The following RIF1 variants were observed in gnomAD, a reference collection of about 807,000 sequenced individuals.
RIF1 encodes telomere-associated protein RIF1.
A neutral mutation model predicts 247.1 loss-of-function variants in RIF1; 45 were observed. That is an observed-to-expected ratio of 0.18 (90% CI 0.14 to 0.23). The LOEUF (loss-of-function observed/expected upper bound fraction) is 0.23, where lower values mean the gene tolerates loss of function less well. Among genes scored for constraint, RIF1 ranks in the 10% least tolerant of loss-of-function variants. The probability of loss-of-function intolerance (pLI) is 1.00; values close to 1 mark genes in which losing one functional copy is unlikely to be tolerated. For synonymous variants in RIF1, 1,087 were observed against 978.8 expected, an observed-to-expected ratio of 1.11 and a Z score of -2.06; for missense variants, 2,967 against 2,862.5, an observed-to-expected ratio of 1.04 and a Z score of -0.83.
At position 151,437,298 on chromosome 2, in the gene RIF1, C is replaced by A. The variant is rs780539569; in HGVS notation, c.1430C>A (p.Thr477Lys). Residue 477 changes from threonine (T) to lysine (K), a missense_variant, in exon 13 of 36, where the codon ACA becomes AAA. Thr to Lys is a moderately conservative substitution (Grantham distance 78). Coordinates refer to ENST00000444746, the MANE Select transcript of RIF1 (RefSeq NM_018151.5). ...TCCTTTTTTTCCAAACATGCAAATA[C>A]ACTTATCACTGCTGTTCATGATAGC... ...SPSFFSKHANTLITAVHDSFV... is the reference protein window; with the variant it reads ...SPSFFSKHANKLITAVHDSFV... The A allele has an allele frequency of 1.9e-6, 3 of 1,613,934 alleles. No homozygotes were observed. Among genetic ancestry groups the A allele is most frequent in the Non-Finnish European group, 2.5e-6 (3 of 1,179,894 alleles).
At chr2:151,457,677 A>T in intron 23 of RIF1, 84 bp from the exon 24 acceptor site, 1 of 1,011,042 alleles carries the variant, frequency 9.9e-7, no homozygotes, top group Non-Finnish European at 1.5e-6. Context: ...AAATTGTCTT[A>T]ATTTTAAAAA....
chr2:151,416,477 GTA>G, intron 4 of RIF1, 82 bp from the exon 5 acceptor site: 1 of 1,196,682 alleles, frequency 8.4e-7, no homozygotes, highest in Non-Finnish European at 1.2e-6. Context: ...TGATTGATGA[GTA>G]TATTGTTTTC....
At chr2:151,490,466 G>A (rs757715342) in intron 9 of RIF1, 163 of 1,608,338 alleles carry the variant, frequency 1.0e-4, no homozygotes, top group Non-Finnish European at 1.2e-4. Flanking sequence ...CCCCACTGAT[G>A]CTTAGTGCAC....
At position 151,463,672 on chromosome 2, in the gene RIF1, C is replaced by G. The variant is rs1327475397; in HGVS notation, c.4152C>G (p.Ser1384=). The G allele has an allele frequency of 6.2e-7, 1 of 1,613,632 alleles. No homozygotes were observed. Among genetic ancestry groups the G allele is most frequent in the African/African-American group, 1.3e-5 (1 of 74,842 alleles). ...EEKNVEINLE[S]KENTPPVVIS... is the part of the protein sequence containing the mutation. ...AAAATGTAGAAATTAATTTGGAATC[C>G]AAAGAGAATACACCCCCAGTAGTAA... The change falls in exon 30 of 36, where the codon TCC becomes TCG. Residue 1384 remains serine (S), a synonymous_variant. Transcript: ENST00000444746.
intron 25 of RIF1, 77 bp from the exon 26 acceptor site, chr2:151,459,923 A>G (rs1413230231): frequency 9.5e-5 from 113 of 1,186,510 alleles, no homozygotes; most frequent in Non-Finnish European, 7.1e-6. Context: ...ATTTATTAGG[A>G]ATTTTCAAAA....
In RIF1 at chr2:151,463,468, A is replaced by G; in HGVS notation, c.3948A>G (p.Glu1316=). The change falls in exon 30 of 36, where the codon GAA becomes GAG. Residue 1316 remains glutamate, a synonymous_variant. Coordinates refer to ENST00000444746, the MANE Select transcript of RIF1 (RefSeq NM_018151.5). The part of the protein sequence containing the change: ...MRSEPEKNTE[E]SVEGIVVLEN... ...CTGAGCCGGAGAAAAATACTGAGGA[A>G]TCTGTTGAAGGCATTGTAGTCTTAG... The G allele has an allele frequency of 6.2e-7, 1 of 1,614,064 alleles. No homozygotes were observed. The highest frequency in any genetic ancestry group is 8.5e-7 in the Non-Finnish European group (1 of 1,179,952).
At chr2:151,447,078 G>T (rs1467055022) in intron 20 of RIF1, among the ~76,000 whole-genome samples, 1 of 151,710 alleles carries the variant, frequency 6.6e-6, no homozygotes, top group Non-Finnish European at 1.5e-5. Context: ...CGAGTAGCTG[G>T]GACCACAGGC....
chr2:151,431,220 T>C (rs2152301425), intron 9 of RIF1, among the ~76,000 whole-genome samples: 1 of 152,306 alleles, frequency 6.6e-6, no homozygotes, highest in Middle Eastern at 3.4e-3. Flanking sequence ...TTGATTTGTC[T>C]TAATTGCAGA....
chr2:151,433,432 C>T (rs1690536220), intron 10 of RIF1, among the ~76,000 whole-genome samples: 1 of 151,928 alleles, frequency 6.6e-6, no homozygotes, highest in African/African-American at 2.4e-5. Flanking sequence ...GCCCCTTTAC[C>T]TGAAATGTTT....
the RIF1 span, chr2:151,514,551 T>C: frequency 6.3e-6 from 5 of 788,294 alleles, no homozygotes; most frequent in Middle Eastern, 2.8e-4. Context: ...AGTAAAAATA[T>C]GAATACAGGC....
intron 20 of RIF1, among the ~76,000 whole-genome samples, chr2:151,450,990 C>A (rs555791618): frequency 6.6e-6 from 1 of 152,258 alleles, no homozygotes; most frequent in South Asian, 2.1e-4. Flanking sequence ...TATTTCCAAT[C>A]TCAGTTTATT....
chr2:151,471,444 C>T (rs545481659), intron 34 of RIF1, among the ~76,000 whole-genome samples: 1 of 152,306 alleles, frequency 6.6e-6, no homozygotes, highest in Admixed American at 6.5e-5. Context: ...AGTCCTTGCC[C>T]ATGCCTATGT....
chr2:151,443,303 C>A lies in RIF1; in HGVS notation c.1779C>A (p.Phe593Leu). Residue 593 changes from phenylalanine to leucine, a missense_variant, in exon 17 of 36, where the codon TTC becomes TTA. Phe to Leu is a conservative substitution (Grantham distance 22, BLOSUM62 0). This residue lies in a region of RIF1 where 369 missense variants were observed against 322.0 expected (regional missense o/e 1.15). Transcript: ENST00000444746. ...TAATTCAATTAATTTTCAACAATTTCTTGGAATGTGGTGTATCAGATGAAA... is the reference window on the plus strand; with the variant it reads ...TAATTCAATTAATTTTCAACAATTTATTGGAATGTGGTGTATCAGATGAAA... ...LFLIQLIFNN[F>L]LECGVSDERF... The A allele has an allele frequency of 6.2e-7, 1 of 1,602,310 alleles. No individual in the cohort carries two copies. Among genetic ancestry groups the A allele is most frequent in the Non-Finnish European group, 8.5e-7 (1 of 1,170,544 alleles).
intron 3 of RIF1, 45 bp downstream of exon 3, chr2:151,411,383 GTTT>G: frequency 9.5e-7 from 1 of 1,052,062 alleles, no homozygotes; most frequent in Admixed American, 2.5e-5. Context: ...TGGTAGTTTG[GTTT>G]TTTTTTTTGG....
At chr2:151,448,649 T>A (rs572784145) in intron 20 of RIF1, among the ~76,000 whole-genome samples, 1 of 152,228 alleles carries the variant, frequency 6.6e-6, no homozygotes, top group Admixed American at 6.5e-5. Context: ...CCAAAGGACT[T>A]ACCTAATCGC....
rs1290269891 is a variant in RIF1, at chr2:151,492,607, AGG to A, written c.*416-2619_*416-2618del. 14 of 698,782 alleles carry A rather than the reference AGG, an allele frequency of 2.0e-5. No individual in the cohort carries two copies. In the Middle Eastern group the frequency reaches 1.3e-3, roughly 64 times the overall value. 43.3% of individuals were successfully genotyped at this position (698,782 alleles called of 1,614,324 possible). A position where few individuals can be genotyped will look rare whatever the true frequency, so the allele number is the denominator to read the frequency against. On this transcript the variant is annotated intron_variant and NMD_transcript_variant, in intron 9 of 13. Transcript: ENST00000454583. ...GGTGAGGGACGCTTGGGTCAACTGA[AGG>A]GGCCCAGTGAGACACATGACCAATT...
At position 151,506,936 on chromosome 2, in the gene RIF1, T is replaced by C; in HGVS notation, c.*1027+561T>C. ...AGCTGAAATTCTTCTGATTTTCTTT[T>C]ACACGCAGTATTTCTGGCGTGTCTT... On this transcript the variant is annotated intron_variant and NMD_transcript_variant, in intron 13 of 13. Transcript: ENST00000454583. 6.2e-7 allele frequency: 1 copy of C among 1,609,792 alleles called. No homozygotes were observed. The highest frequency in any genetic ancestry group is 1.1e-5 in the South Asian group (1 of 90,766).
chr2:151,507,009 T>C, intron 13 of RIF1: 1 of 1,575,028 alleles, frequency 6.3e-7, no homozygotes, highest in Non-Finnish European at 8.7e-7. Context: ...ACACTGGTAT[T>C]GGAGCTATGA....
chr2:151,460,355 A>G (rs931573141), intron 26 of RIF1, among the ~76,000 whole-genome samples: 1 of 152,210 alleles, frequency 6.6e-6, no homozygotes, highest in Non-Finnish European at 1.5e-5. Flanking sequence ...CAACTGTTAC[A>G]TGTAGTTATT....
Sources: allele counts gnomAD v4.1 joint callset (sites outside exome capture counted in the v4.1 genomes callset), GRCh38; gene constraint gnomAD v4.1.1; regional missense constraint gnomAD v4.1.1; transcripts MANE v1.5; gene names NCBI Gene and HGNC (gene_info 2026-07-23, HGNC 2026-07-21).